Variants in LRP1B observed in about 807,000 individuals in gnomAD.
LRP1B encodes the protein LDL receptor related protein 1B.
Under a neutral mutation model 556.6 loss-of-function variants are expected in LRP1B, and 217 were observed. The observed-to-expected ratio is 0.39, with a 90% CI of 0.35 to 0.44. LRP1B has a LOEUF of 0.44. Ranked by LOEUF, LRP1B falls within the 20% of genes least tolerant of loss-of-function variation. LRP1B has a pLI of 1.00. For synonymous variants in LRP1B, 2,047 were observed against 1,865.8 expected (o/e 1.10, Z -2.50); for missense variants, 5,053 against 5,620.8 (o/e 0.90, Z 3.23).
At chr2:141,920,785 A>G (rs1003978775) in intron 1 of LRP1B, among the ~76,000 whole-genome samples, 2 of 152,042 alleles carry the variant, frequency 1.3e-5, no homozygotes, top group Admixed American at 1.3e-4. Flanking sequence ...CATTAATATT[A>G]TGTTAATCCT....
intron 59 of LRP1B, among the ~76,000 whole-genome samples, chr2:140,476,476 C>T (rs777596993): frequency 6.6e-6 from 1 of 151,904 alleles, no homozygotes; most frequent in African/African-American, 2.4e-5. Flanking sequence ...AATTTTTTCT[C>T]ATAAATTCTG....
At chr2:140,751,751 A>C (rs557178472) in intron 35 of LRP1B, among the ~76,000 whole-genome samples, 17 of 152,280 alleles carry the variant, frequency 1.1e-4, no homozygotes, top group African/African-American at 3.8e-4. Context: ...ATCAACCTTT[A>C]AAAAGACATT....
chr2:141,229,952 A>G (rs754515007), intron 5 of LRP1B, among the ~76,000 whole-genome samples: 4 of 152,140 alleles, frequency 2.6e-5, no homozygotes, highest in Non-Finnish European at 4.4e-5. Flanking sequence ...CCAAACAATC[A>G]CACATTCTTT....
intron 52 of LRP1B, among the ~76,000 whole-genome samples, chr2:140,509,083 A>ACACACAC (rs1558931371): frequency 6.7e-6 from 1 of 148,796 alleles, no homozygotes; most frequent in Non-Finnish European, 1.5e-5. Context: ...CACACACACA[A>ACACACAC]ACACACACAC....
chr2:140,776,309 A>T, intron 32 of LRP1B, 71 bp from the exon 33 acceptor site: 1 of 995,222 alleles, frequency 1.0e-6, no homozygotes, highest in Non-Finnish European at 1.4e-6. Flanking sequence ...ATACTTACTA[A>T]ACTATAATAC....
At chr2:141,285,863 G>A (rs1329887639) in intron 3 of LRP1B, among the ~76,000 whole-genome samples, 6 of 148,460 alleles carry the variant, frequency 4.0e-5, no homozygotes, top group Non-Finnish European at 9.0e-5. Flanking sequence ...TCAGGAGATC[G>A]AGACCATCCC....
intron 12 of LRP1B, 85 bp from the exon 13 acceptor site, chr2:141,016,000 C>T (rs1422166294): frequency 8.0e-6 from 8 of 999,458 alleles, no homozygotes; most frequent in African/African-American, 1.6e-5. Flanking sequence ...TTGGCAGTTC[C>T]ATAAATTCTA....
intron 6 of LRP1B, among the ~76,000 whole-genome samples, chr2:141,201,330 T>C (rs1391435435): frequency 2.0e-5 from 3 of 152,286 alleles, no homozygotes; most frequent in African/African-American, 7.2e-5. Context: ...CCACATCTTT[T>C]TACAGCCTTG....
intron 31 of LRP1B, among the ~76,000 whole-genome samples, chr2:140,821,817 G>A (rs569960604): frequency 4.6e-5 from 7 of 152,178 alleles, no homozygotes; most frequent in Admixed American, 6.5e-5. Flanking sequence ...GGTAGATCAC[G>A]AGGTCAGGAG....
chr2:140,858,202 C>T (rs67402821), intron 27 of LRP1B, among the ~76,000 whole-genome samples: 19,771 of 151,950 alleles, frequency 0.13, 1,395 homozygotes, highest in Admixed American at 0.16. Context: ...ATCTAGCCCA[C>T]AACTAGCAAA....
At chr2:140,659,098 G>GTT (rs59651364) in intron 41 of LRP1B, among the ~76,000 whole-genome samples, 2,286 of 61,072 alleles carry the variant, frequency 0.037, 701 homozygotes, top group African/African-American at 0.07. Flanking sequence ...CTGTAAATCT[G>GTT]TTTTTTTTTT....
chr2:140,773,340 G>C (rs1689381646), intron 33 of LRP1B, among the ~76,000 whole-genome samples: 1 of 151,992 alleles, frequency 6.6e-6, no homozygotes, highest in Admixed American at 6.6e-5. Context: ...ATGGTAGTGA[G>C]TGCCTGTAAT....
intron 17 of LRP1B, among the ~76,000 whole-genome samples, chr2:140,986,317 A>G (rs1452177314): frequency 1.3e-5 from 2 of 152,114 alleles, no homozygotes; most frequent in Non-Finnish European, 2.9e-5. Context: ...AGACAATGAA[A>G]ATTTTTATTC....
intron 37 of LRP1B, among the ~76,000 whole-genome samples, chr2:140,705,480 C>T (rs1356425023): frequency 7.5e-6 from 1 of 132,820 alleles, no homozygotes; most frequent in Non-Finnish European, 1.5e-5. Flanking sequence ...GCCAAGATCA[C>T]ACCATTGCAC....
At chr2:142,046,231 G>A (rs1704254825) in intron 1 of LRP1B, among the ~76,000 whole-genome samples, 1 of 151,852 alleles carries the variant, frequency 6.6e-6, no homozygotes, top group Non-Finnish European at 1.5e-5. Flanking sequence ...CTATAAGACA[G>A]TCAAATTAAG....
chr2:140,256,669 A>T (rs1160065828), intron 86 of LRP1B, among the ~76,000 whole-genome samples: 1 of 150,760 alleles, frequency 6.6e-6, no homozygotes, highest in Non-Finnish European at 1.5e-5. Flanking sequence ...GGGTTTCAGC[A>T]TGTTGGCTAG....
intron 1 of LRP1B, among the ~76,000 whole-genome samples, chr2:141,963,543 AC>A (rs1406336115): frequency 2.0e-5 from 3 of 151,442 alleles, no homozygotes; most frequent in African/African-American, 7.3e-5. Flanking sequence ...AAATTCAACA[AC>A]CCTTCATGCT....
At chr2:141,639,379 CAT>C (rs1310773523) in intron 2 of LRP1B, among the ~76,000 whole-genome samples, 27 of 73,680 alleles carry the variant, frequency 3.7e-4, no homozygotes, top group African/African-American at 1.1e-3. Context: ...TATATATACA[CAT>C]ATATATATAC....
chr2:140,402,016 C>T lies in LRP1B; in HGVS notation c.10415-16007G>A, dbSNP rs114854968. ...GCTTGTGCTGGTACCCACTGCTGAG[C>T]GACCTGAGGACAGGTCACATCACTG... On this transcript the variant is annotated intron_variant, in intron 66 of 90. Coordinates refer to ENST00000389484, the MANE Select transcript of LRP1B (RefSeq NM_018557.3). Among the ~76,000 whole-genome samples, 1,051 of 152,270 alleles carry T rather than the reference C, an allele frequency of 6.9e-3. 3 individuals are homozygous for T. Among genetic ancestry groups the T allele is most frequent in the Non-Finnish European group, 0.012 (809 of 68,018 alleles).
Sources: allele counts gnomAD v4.1 joint callset (sites outside exome capture counted in the v4.1 genomes callset), GRCh38; gene constraint gnomAD v4.1.1; transcripts MANE v1.5; gene names NCBI Gene and HGNC (gene_info 2026-07-23, HGNC 2026-07-21).